MECR: variants seen among roughly 807,000 people sequenced by gnomAD.
MECR encodes mitochondrial trans-2-enoyl-CoA reductase, also known as enoyl-[acyl-carrier-protein] reductase, mitochondrial.
A neutral mutation model predicts 49.1 loss-of-function variants in MECR; 37 were observed. The ratio of observed to expected loss-of-function variants is 0.75; its 90% CI spans 0.58 to 0.99. The LOEUF (loss-of-function observed/expected upper bound fraction) is 0.99. Ranked by LOEUF, MECR falls within the 50% of genes least tolerant of loss-of-function variation. MECR has a pLI of 0.00. For synonymous variants in MECR, 198 were observed against 191.1 expected, an observed-to-expected ratio of 1.04 and a Z score of -0.30; for missense variants, 470 against 479.6, an observed-to-expected ratio of 0.98 and a Z score of 0.19.
At chr1:29,184,470 GT>G in the MECR span, among the ~76,000 whole-genome samples, 1 of 152,140 alleles carries the variant, frequency 6.6e-6, no homozygotes, top group African/African-American at 2.4e-5. Context: ...GTAATAATTA[GT>G]GGCTGGGTGC....
chr1:29,216,479 A>G, intron 2 of MECR, 109 bp downstream of exon 2: 1 of 1,130,574 alleles, frequency 8.8e-7, no homozygotes, highest in South Asian at 1.3e-5. Flanking sequence ...TCTGGAGAAC[A>G]GCTGCTGCTA....
At chr1:29,200,811 CAG>C (rs1257556836) in intron 6 of MECR, among the ~76,000 whole-genome samples, 5 of 151,986 alleles carry the variant, frequency 3.3e-5, no homozygotes, top group Admixed American at 3.3e-4. Flanking sequence ...CTTTCTAAGA[CAG>C]GGTCTCGCTC....
chr1:29,228,068 G>A (rs539496724), intron 1 of MECR, among the ~76,000 whole-genome samples: 10 of 152,146 alleles, frequency 6.6e-5, no homozygotes, highest in African/African-American at 2.4e-4. Context: ...AATACATACG[G>A]TAGTTTCTAA....
chr1:29,179,087 C>CAGGA, the MECR span, among the ~76,000 whole-genome samples: 1 of 152,180 alleles, frequency 6.6e-6, no homozygotes, highest in East Asian at 1.9e-4. Flanking sequence ...AAGGCTCTTT[C>CAGGA]CTCTTATCGC....
At chr1:29,181,508 G>A in the MECR span, 8 of 686,474 alleles carry the variant, frequency 1.2e-5, no homozygotes, top group Non-Finnish European at 1.8e-5. Flanking sequence ...CGCCCCCGAG[G>A]CGCCGCCACT....
rs1343159953 is a variant in MECR at position 29,193,953 on chromosome 1, C to A, written c.*69G>T. The A allele has an allele frequency of 8.9e-6, 14 of 1,580,110 alleles. No homozygotes were observed. Among genetic ancestry groups the A allele is most frequent in the South Asian group, 2.2e-5 (2 of 89,214 alleles). On this transcript the variant is annotated 3_prime_UTR_variant, in exon 10 of 10. Transcript: ENST00000263702. ...AGTCTGGGGAAGGTGGGAGCCCCAA[C>A]TGAGGGGCCTGCACCCAGCCCCTCA...
intron 1 of MECR, among the ~76,000 whole-genome samples, chr1:29,220,203 C>G (rs1680423859): frequency 6.9e-6 from 1 of 144,344 alleles, no homozygotes; most frequent in South Asian, 2.2e-4. Flanking sequence ...CCAGCCTGAT[C>G]AACATGGCGA....
intron 5 of MECR, among the ~76,000 whole-genome samples, chr1:29,202,530 A>T (rs911102885): frequency 6.6e-6 from 1 of 152,200 alleles, no homozygotes; most frequent in African/African-American, 2.4e-5. Flanking sequence ...CATGACAGCC[A>T]CAGCCACATT....
the MECR span, chr1:29,181,521 G>C: frequency 2.9e-5 from 23 of 806,276 alleles, no homozygotes; most frequent in Admixed American, 3.5e-4. Flanking sequence ...CCGCCACTAT[G>C]GCGGAGCCTG....
At chr1:29,197,257 G>A (rs114982690) in intron 7 of MECR, among the ~76,000 whole-genome samples, 4 of 152,270 alleles carry the variant, frequency 2.6e-5, no homozygotes, top group African/African-American at 4.8e-5. Flanking sequence ...ACAGGTGTCC[G>A]ACCTAGGGTG....
chr1:29,212,290 G>A lies in MECR; in HGVS notation c.406+3715C>T, dbSNP rs190238312. ...AAAAATTAGCCAGGTGTAGTGGTGG[G>A]CGCCTGTAGTCCCAGCTACTCGGGA... On this transcript the variant is annotated intron_variant, in intron 3 of 9. Coordinates refer to ENST00000263702, the MANE Select transcript of MECR (RefSeq NM_016011.5). Among the ~76,000 whole-genome samples the A allele has an allele frequency of 2.9e-3, 443 of 152,120 alleles. 3 individuals carry two copies. Among genetic ancestry groups the A allele is most frequent in the African/African-American group, 0.01 (425 of 41,486 alleles).
intron 3 of MECR, among the ~76,000 whole-genome samples, chr1:29,215,497 G>A (rs759516892): frequency 6.6e-6 from 1 of 151,940 alleles, no homozygotes; most frequent in Non-Finnish European, 1.5e-5. Context: ...AGAATCGCTT[G>A]AACCTGGGAG....
At chr1:29,178,020 C>T in the MECR span, among the ~76,000 whole-genome samples, 4 of 151,238 alleles carry the variant, frequency 2.6e-5, no homozygotes, top group Admixed American at 1.3e-4. Flanking sequence ...CTGCCTTAGC[C>T]TCTAGAGGAG....
chr1:29,199,652 T>A (rs1674857606), intron 7 of MECR, among the ~76,000 whole-genome samples: 1 of 152,080 alleles, frequency 6.6e-6, no homozygotes, highest in Non-Finnish European at 1.5e-5. Flanking sequence ...GGAATCTCCC[T>A]TTGTCACCCA....
chr1:29,195,495 A>G (rs971101126), intron 9 of MECR, among the ~76,000 whole-genome samples: 5 of 152,058 alleles, frequency 3.3e-5, no homozygotes, highest in Admixed American at 2.0e-4. Flanking sequence ...CTACTTAACC[A>G]CTCTGAACCT....
chr1:29,182,303 C>T, the MECR span, among the ~76,000 whole-genome samples: 1 of 152,180 alleles, frequency 6.6e-6, no homozygotes, highest in Non-Finnish European at 1.5e-5. Flanking sequence ...CTCGGACCCT[C>T]CTTTATCTTT....
At chr1:29,172,042 T>C in the MECR span, 4 of 151,892 alleles carry the variant, frequency 2.6e-5, no homozygotes, top group Admixed American at 6.6e-5. Flanking sequence ...TCTCTTGGCA[T>C]TGATTTTTCA....
rs535811582 is a variant in MECR, at chr1:29,194,456, C to T, written c.965-277G>A. On this transcript the variant is annotated intron_variant, in intron 9 of 9. Transcript: ENST00000263702. ...CCCTTCAGAGTGGTGGCTAAGATGGCACAGACTCACAGAACCTGGCCACAG... is the reference window on the plus strand; with the variant it reads ...CCCTTCAGAGTGGTGGCTAAGATGGTACAGACTCACAGAACCTGGCCACAG... Among the ~76,000 whole-genome samples the T allele has an allele frequency of 2.6e-5, 4 of 152,286 alleles. No individual in the cohort carries two copies. In the East Asian group the frequency reaches 5.8e-4, roughly 22 times the overall value.
the MECR span, among the ~76,000 whole-genome samples, chr1:29,187,407 T>C: frequency 6.6e-6 from 1 of 150,948 alleles, no homozygotes; most frequent in South Asian, 2.1e-4. Context: ...GTAGAGACTG[T>C]GTTTCACTAT....
Sources: allele counts gnomAD v4.1 joint callset (sites outside exome capture counted in the v4.1 genomes callset), GRCh38; gene constraint gnomAD v4.1.1; transcripts MANE v1.5; gene names NCBI Gene and HGNC (gene_info 2026-07-23, HGNC 2026-07-21).